The following WWC2 variants were observed in gnomAD, a reference collection of about 807,000 sequenced individuals.
WWC2 encodes protein WWC2.
Under a neutral mutation model 138.5 loss-of-function variants are expected in WWC2, and 101 were observed. The observed-to-expected ratio is 0.73, with a 90% confidence interval of 0.62 to 0.86. The LOEUF (loss-of-function observed/expected upper bound fraction) is 0.86, where lower values mean the gene tolerates loss of function less well. Among genes scored for constraint, WWC2 ranks in the 40% least tolerant of loss-of-function variants. The pLI is 0.00. For synonymous variants in WWC2, 558 were observed against 538.4 expected (o/e 1.04, Z -0.50); for missense variants, 1,420 against 1,419.4 (o/e 1.00, Z -0.01).
At chr4:183,246,674 AC>A (rs1334420198) in intron 6 of WWC2, among the ~76,000 whole-genome samples, 1 of 152,218 alleles carries the variant, frequency 6.6e-6, no homozygotes, top group Non-Finnish European at 1.5e-5. Flanking sequence ...AAATTTCAGC[AC>A]AGAAAAATTA....
At chr4:183,233,150 T>TA (rs1736307675) in intron 4 of WWC2, among the ~76,000 whole-genome samples, 1 of 104,712 alleles carries the variant, frequency 9.6e-6, no homozygotes, top group East Asian at 2.1e-4. Context: ...TTTTAAACCT[T>TA]TTTTTTTTTT....
At chr4:183,155,151 A>C (rs1733762615) in intron 1 of WWC2, among the ~76,000 whole-genome samples, 1 of 151,644 alleles carries the variant, frequency 6.6e-6, no homozygotes, top group African/African-American at 2.4e-5. Context: ...CATACTGCTT[A>C]TTTATTTGCA....
At chr4:183,302,127 T>A (rs1224527095) in intron 21 of WWC2, among the ~76,000 whole-genome samples, 1 of 152,384 alleles carries the variant, frequency 6.6e-6, no homozygotes, top group South Asian at 2.1e-4. Flanking sequence ...CACACACTTT[T>A]ATGCATATTT....
Position 183,248,746 on chromosome 4 carries a change from G to A in WWC2, c.765G>A (p.Leu255=), listed in dbSNP as rs1560865579. ...SLAKLQERFH[L]DQNIGRSEPD... is the part of the protein sequence containing the mutation. Reference sequence around the variant, plus strand: ...CTAAGCTGCAGGAGCGGTTTCATTTGGATCAGAACATTGGCAGATCTGAGC... The same window carrying A: ...CTAAGCTGCAGGAGCGGTTTCATTTAGATCAGAACATTGGCAGATCTGAGC... The change falls in exon 7 of 23, where the codon TTG becomes TTA. Residue 255 remains leucine, a synonymous_variant. Coordinates refer to ENST00000403733, the MANE Select transcript of WWC2 (RefSeq NM_024949.6). The A allele has an allele frequency of 6.2e-7, 1 of 1,602,822 alleles. No individual in the cohort carries two copies. Among genetic ancestry groups the A allele is most frequent in the Non-Finnish European group, 8.5e-7 (1 of 1,174,112 alleles).
intron 17 of WWC2, 110 bp downstream of exon 17, chr4:183,281,007 T>C: frequency 1.4e-6 from 2 of 1,395,450 alleles, no homozygotes; most frequent in Non-Finnish European, 1.9e-6. Flanking sequence ...TGGAATGCAC[T>C]GCACCTTCAG....
chr4:183,280,229 G>GTTTTTTTTTTTT (rs869235261), intron 16 of WWC2, among the ~76,000 whole-genome samples: 159 of 65,480 alleles, frequency 2.4e-3, no homozygotes, highest in African/African-American at 2.9e-3. Context: ...GATAGCAGCT[G>GTTTTTTTTTTTT]TTTTTTTTTT....
intron 1 of WWC2, among the ~76,000 whole-genome samples, chr4:183,140,086 A>G (rs1252557466): frequency 6.6e-6 from 1 of 152,238 alleles, no homozygotes; most frequent in African/African-American, 2.4e-5. Flanking sequence ...TCCTGGGATT[A>G]TAGGCGTGAG....
At chr4:183,125,844 G>A (rs547352386) in intron 1 of WWC2, among the ~76,000 whole-genome samples, 1 of 152,292 alleles carries the variant, frequency 6.6e-6, no homozygotes, top group African/African-American at 2.4e-5. Flanking sequence ...CAGCTGCATG[G>A]CACTGAAGGC....
At chr4:183,165,245 C>CA (rs1238904530) in intron 1 of WWC2, among the ~76,000 whole-genome samples, 1 of 152,122 alleles carries the variant, frequency 6.6e-6, no homozygotes, top group Non-Finnish European at 1.5e-5. Flanking sequence ...ACATTCATGT[C>CA]AGGGCTTTGG....
intron 5 of WWC2, among the ~76,000 whole-genome samples, chr4:183,241,321 C>G (rs1736614941): frequency 6.6e-6 from 1 of 152,192 alleles, no homozygotes; most frequent in Non-Finnish European, 1.5e-5. Context: ...TTGGGATGCT[C>G]CAAGCAGCAA....
At chr4:183,150,635 T>A (rs1733611452) in intron 1 of WWC2, among the ~76,000 whole-genome samples, 1 of 152,120 alleles carries the variant, frequency 6.6e-6, no homozygotes, top group East Asian at 1.9e-4. Context: ...GCCCATTAAC[T>A]CGTCATTTAC....
chr4:183,153,418 T>G (rs1733701736), intron 1 of WWC2, among the ~76,000 whole-genome samples: 1 of 152,168 alleles, frequency 6.6e-6, no homozygotes, highest in Non-Finnish European at 1.5e-5. Flanking sequence ...CCAGATACAT[T>G]TGGTAATCTG....
intron 1 of WWC2, among the ~76,000 whole-genome samples, chr4:183,120,939 G>A (rs1053318012): frequency 1.3e-5 from 2 of 152,136 alleles, no homozygotes; most frequent in African/African-American, 4.8e-5. Flanking sequence ...AAGTAACATT[G>A]TGGCCAGGAG....
intron 21 of WWC2, among the ~76,000 whole-genome samples, chr4:183,299,888 C>T (rs1008991092): frequency 1.3e-5 from 2 of 152,236 alleles, no homozygotes; most frequent in South Asian, 4.1e-4. Context: ...GAATCGAAGC[C>T]AGCAGCAGAT....
chr4:183,267,698 G>T (rs563130051), intron 14 of WWC2, among the ~76,000 whole-genome samples: 17 of 152,326 alleles, frequency 1.1e-4, no homozygotes, highest in African/African-American at 4.1e-4. Flanking sequence ...TACCTGCGTA[G>T]TGTAGGACCA....
intron 1 of WWC2, among the ~76,000 whole-genome samples, chr4:183,157,853 C>A (rs1440422223): frequency 6.7e-6 from 1 of 149,576 alleles, no homozygotes; most frequent in Non-Finnish European, 1.5e-5. Context: ...CCCTTTTCTT[C>A]TTTTCTCTTT....
chr4:183,209,866 C>A (rs1053149397), intron 4 of WWC2, among the ~76,000 whole-genome samples: 1 of 152,148 alleles, frequency 6.6e-6, no homozygotes, highest in African/African-American at 2.4e-5. Flanking sequence ...ACCAATACCC[C>A]CTGGTCATGA....
intron 1 of WWC2, among the ~76,000 whole-genome samples, chr4:183,178,377 CAAATAAATAAATAAATAAATAAAT>C (rs10690640): frequency 7.4e-6 from 1 of 134,566 alleles, no homozygotes; most frequent in Non-Finnish European, 1.6e-5. Context: ...CCTGTTTCTA[CAAATAAATAAATAAATAAATAAAT>C]AAATAAATAA....
intron 1 of WWC2, 121 bp from the exon 2 acceptor site, chr4:183,193,478 G>GT: frequency 3.7e-6 from 3 of 817,958 alleles, no homozygotes; most frequent in Middle Eastern, 2.6e-4. Flanking sequence ...TTTTATCCTT[G>GT]GTTTTTTTTT....
Sources: gnomAD v4.1 joint callset for allele counts (sites outside exome capture counted in the v4.1 genomes callset) on GRCh38, gnomAD v4.1.1 for gene constraint, MANE v1.5 for transcripts, NCBI Gene and HGNC (gene_info 2026-07-23, HGNC 2026-07-21) for gene names.